The following BMF variants were observed in gnomAD, a reference collection of about 807,000 sequenced individuals.
BMF encodes Bcl2 modifying factor.
A neutral mutation model predicts 22.0 loss-of-function variants in BMF; 10 were observed. That is an observed-to-expected ratio of 0.45 (90% CI 0.28 to 0.77). BMF has a LOEUF of 0.77. Among genes scored for constraint, BMF ranks in the 30% least tolerant of loss-of-function variants. BMF has a pLI of 0.13. For synonymous variants in BMF, 87 were observed against 88.1 expected (o/e 0.99, Z 0.07); for missense variants, 206 against 226.8 (o/e 0.91, Z 0.59).
chr15:40,100,358 G>A lies in BMF; in HGVS notation c.453+3822C>T, dbSNP rs552132949. 2.8e-4 allele frequency among the ~76,000 whole-genome samples: 42 copies of A among 152,312 alleles called. 2 individuals carry two copies. The South Asian group carries it at 8.7e-3, about 32-fold the overall frequency. ...CTCTTCCATGCAGAAGCTGGACACA[G>A]AAGCACCACAGCACCACCCTCAAGA... On this transcript the variant is annotated intron_variant, in intron 4 of 4. Transcript: ENST00000354670.
At chr15:40,099,526 C>CCCAGCG (rs1314675118) in intron 4 of BMF, among the ~76,000 whole-genome samples, 1 of 152,128 alleles carries the variant, frequency 6.6e-6, no homozygotes. Context: ...CACCTGTAAT[C>CCCAGCG]CCAGCACTTT....
intron 4 of BMF, among the ~76,000 whole-genome samples, chr15:40,093,116 C>T (rs945276158): frequency 1.3e-5 from 2 of 152,240 alleles, no homozygotes; most frequent in African/African-American, 2.4e-5. Context: ...GTTGCCTGGA[C>T]TCCCAGAGCT....
intron 4 of BMF, among the ~76,000 whole-genome samples, chr15:40,095,380 C>A (rs184517413): frequency 1.3e-5 from 2 of 152,306 alleles, no homozygotes; most frequent in African/African-American, 4.8e-5. Flanking sequence ...TTGGCCTTCA[C>A]TGAACAGGAT....
Position 40,091,751 on chromosome 15 carries a change from G to A in BMF, c.*36C>T. 2.7e-6 allele frequency: 4 copies of A among 1,474,410 alleles called. No individual in the cohort carries two copies. The highest frequency in any genetic ancestry group is 3.8e-6 in the Non-Finnish European group (4 of 1,066,384). The allele number at this position is 1,474,410 out of a possible 1,614,324, so 91.3% of individuals were successfully genotyped here. On this transcript the variant is annotated 3_prime_UTR_variant, in exon 5 of 5. Transcript: ENST00000354670. ...CGATGTCCTTCCTGTTCCAGACGGT[G>A]TTCCTGGTGCCCCATGTGAAGAGGG...
At chr15:40,107,533 A>AGT (rs58296260) in intron 2 of BMF, among the ~76,000 whole-genome samples, 24,286 of 137,240 alleles carry the variant, frequency 0.18, 2,223 homozygotes, top group Middle Eastern at 0.3. Context: ...GTGTTTCCCA[A>AGT]GTGTGTGTGT....
intron 2 of BMF, among the ~76,000 whole-genome samples, chr15:40,107,722 T>C (rs540302477): frequency 6.6e-6 from 1 of 152,302 alleles, no homozygotes; most frequent in Non-Finnish European, 1.5e-5. Context: ...GCTAGCAATC[T>C]TGACCTAAGA....
intron 4 of BMF, among the ~76,000 whole-genome samples, chr15:40,101,834 C>T (rs2036481830): frequency 6.6e-6 from 1 of 152,144 alleles, no homozygotes; most frequent in Non-Finnish European, 1.5e-5. Flanking sequence ...GAAGACAAAA[C>T]CCTGGCTCTT....
chr15:40,101,280 A>G (rs1174747866), intron 4 of BMF, among the ~76,000 whole-genome samples: 1 of 152,214 alleles, frequency 6.6e-6, no homozygotes, highest in Non-Finnish European at 1.5e-5. Context: ...GGAAACAGGC[A>G]TTAAAGAACA....
chr15:40,092,420 T>TC, intron 4 of BMF, among the ~76,000 whole-genome samples: 1 of 151,872 alleles, frequency 6.6e-6, no homozygotes, highest in South Asian at 2.1e-4. Context: ...AAAAATCTGA[T>TC]TTCATCCAGT....
At chr15:40,095,374 C>T (rs1475202096) in intron 4 of BMF, among the ~76,000 whole-genome samples, 1 of 152,188 alleles carries the variant, frequency 6.6e-6, no homozygotes, top group African/African-American at 2.4e-5. Flanking sequence ...AGGAAGTTGG[C>T]CTTCACTGAA....
intron 4 of BMF, among the ~76,000 whole-genome samples, chr15:40,096,045 A>C (rs2036352333): frequency 1.3e-5 from 2 of 151,538 alleles, no homozygotes; most frequent in Admixed American, 1.3e-4. Context: ...AAGATAACCC[A>C]CTTGTCTGAG....
Position 40,091,705 on chromosome 15 carries a change from A to G in BMF, c.*82T>C, listed in dbSNP as rs566266701. On this transcript the variant is annotated 3_prime_UTR_variant, in exon 5 of 5. Coordinates refer to ENST00000354670, the MANE Select transcript of BMF (RefSeq NM_001003940.2). ...ATAACAACAAAAAAACAATTTCACAAGACACAGTGTCAGTCCTGCCCGATG... is the reference window on the plus strand; with the variant it reads ...ATAACAACAAAAAAACAATTTCACAGGACACAGTGTCAGTCCTGCCCGATG... The G allele has an allele frequency of 9.7e-5, 98 of 1,009,336 alleles. No individual in the cohort carries two copies. In the South Asian group the frequency reaches 1.4e-3, roughly 15 times the overall value. 62.5% of individuals were successfully genotyped at this position (1,009,336 alleles called of 1,614,324 possible).
rs1004719111 is a variant in BMF, at chr15:40,088,065, C to G, written c.*3722G>C. The G allele has an allele frequency of 6.6e-6, 1 of 152,614 alleles. No individual in the cohort carries two copies. Among genetic ancestry groups the G allele is most frequent in the African/African-American group, 2.4e-5 (1 of 41,426 alleles). 9.5% of individuals were successfully genotyped at this position (152,614 alleles called of 1,614,324 possible). On this transcript the variant is annotated 3_prime_UTR_variant, in exon 5 of 5. Coordinates refer to ENST00000354670, the MANE Select transcript of BMF (RefSeq NM_001003940.2). ...TCTCCCAGAGGCAGAGTGCCCAGAC[C>G]CCAGGGCAGCTACCCTGGGGATGAA...
chr15:40,104,287 T>C lies in BMF; in HGVS notation c.346A>G (p.Ile116Val). ...TGCCCTTCGGGGGGCTGCTCCCCAA[T>C]GGGCAAGACTGCTGGGAAACTGGCA... ...LPASFPAVLP[I>V]GEQPPEGQWQ... The change falls in exon 4 of 5, where the codon ATT becomes GTT. Residue 116 changes from isoleucine (I) to valine (V), a missense_variant. Coordinates refer to ENST00000354670, the MANE Select transcript of BMF (RefSeq NM_001003940.2). The C allele has an allele frequency of 6.2e-7, 1 of 1,614,198 alleles. No homozygotes were observed. The highest frequency in any genetic ancestry group is 8.5e-7 in the Non-Finnish European group (1 of 1,180,028).
At chr15:40,102,688 T>A (rs2036504583) in intron 4 of BMF, among the ~76,000 whole-genome samples, 1 of 152,136 alleles carries the variant, frequency 6.6e-6, no homozygotes, top group Non-Finnish European at 1.5e-5. Context: ...CCACAGCCAC[T>A]GTGTCCTCCC....
At chr15:40,102,267 A>G (rs2036492121) in intron 4 of BMF, among the ~76,000 whole-genome samples, 1 of 152,018 alleles carries the variant, frequency 6.6e-6, no homozygotes, top group South Asian at 2.1e-4. Flanking sequence ...CGTCTCCACT[A>G]AAAGTACAAA....
intron 4 of BMF, 90 bp downstream of exon 4, chr15:40,104,090 A>G: frequency 6.6e-7 from 1 of 1,525,512 alleles, no homozygotes; most frequent in Non-Finnish European, 9.0e-7. Context: ...GGTCTGGCAG[A>G]GACAGAGTTG....
At chr15:40,105,077 C>A (rs1015538001) in intron 3 of BMF, among the ~76,000 whole-genome samples, 4 of 152,214 alleles carry the variant, frequency 2.6e-5, no homozygotes, top group Admixed American at 1.3e-4. Flanking sequence ...CCCTAAGGGG[C>A]AGTTCCCTCT....
intron 4 of BMF, among the ~76,000 whole-genome samples, chr15:40,100,260 C>T (rs1595480725): frequency 6.6e-6 from 1 of 152,194 alleles, no homozygotes; most frequent in East Asian, 1.9e-4. Context: ...GGCACAAGGA[C>T]AGGAAAGCTG....
Sources: allele counts gnomAD v4.1 joint callset (sites outside exome capture counted in the v4.1 genomes callset), GRCh38; gene constraint gnomAD v4.1.1; transcripts MANE v1.5; gene names NCBI Gene and HGNC (gene_info 2026-07-23, HGNC 2026-07-21).